CNOT10: variants seen among roughly 807,000 people sequenced by gnomAD.
CNOT10 encodes the protein CCR4-NOT transcription complex subunit 10, also known as CCR4-NOT transcription complex, subunit 10.
In CNOT10, 30 loss-of-function variants were observed where a neutral mutation model predicts 94.6. The ratio of observed to expected loss-of-function variants is 0.32; its 90% confidence interval spans 0.24 to 0.43. The LOEUF (loss-of-function observed/expected upper bound fraction) is 0.43. Ranked by LOEUF, CNOT10 falls within the 20% of genes least tolerant of loss-of-function variation. CNOT10 has a pLI of 1.00. For synonymous variants in CNOT10, 289 were observed against 301.6 expected, an observed-to-expected ratio of 0.96 and a Z score of 0.43; for missense variants, 759 against 877.2, an observed-to-expected ratio of 0.87 and a Z score of 1.70.
At chr3:32,721,147 C>T (rs1698387131) in intron 8 of CNOT10, among the ~76,000 whole-genome samples, 1 of 148,002 alleles carries the variant, frequency 6.8e-6, no homozygotes, top group Non-Finnish European at 1.5e-5. Context: ...ACAGCCTCCA[C>T]CTCCCTCCCG....
chr3:32,771,861 T>C (rs1415709078), intron 18 of CNOT10, among the ~76,000 whole-genome samples: 1 of 152,212 alleles, frequency 6.6e-6, no homozygotes. Context: ...TTATACACCA[T>C]AGTATTTTGA....
At chr3:32,769,551 T>G (rs1700806389) in intron 17 of CNOT10, 1 of 231,504 alleles carries the variant, frequency 4.3e-6, no homozygotes, top group African/African-American at 2.2e-5. Context: ...AATACTGAAG[T>G]GTTACTTAGG....
At position 32,687,454 on chromosome 3, in the gene CNOT10, T is replaced by TTTTTG. The variant is rs1553627013; in HGVS notation, c.22+1976_22+1977insGTTTT. On this transcript the variant is annotated intron_variant, in intron 1 of 18. Transcript: ENST00000328834. Reference sequence around the variant, plus strand: ...AGTCCTCACGGTTTTTTTTTTTTGTTTTTTTTTTTTTTTTTGAGACGGAGT... The same window carrying TTTTTG: ...AGTCCTCACGGTTTTTTTTTTTTGTTTTTTGTTTTTTTTTTTTTTTGAGACGGAGT... 5.8e-3 allele frequency among the ~76,000 whole-genome samples: 266 copies of TTTTTG among 45,920 alleles called. 8 individuals carry two copies. Among genetic ancestry groups the TTTTTG allele is most frequent in the African/African-American group, 0.029 (261 of 8,896 alleles). The allele number at this position is 45,920 out of a possible 152,430, so 30.1% of individuals were successfully genotyped here.
chr3:32,713,077 T>C, intron 4 of CNOT10, 150 bp from the exon 5 acceptor site: 1 of 539,664 alleles, frequency 1.9e-6, no homozygotes, highest in Non-Finnish European at 3.1e-6. Context: ...GCAAGTTGCT[T>C]TCATTCGTGG....
chr3:32,749,008 G>A lies in CNOT10; in HGVS notation c.1596-10450G>A, dbSNP rs150160749. On this transcript the variant is annotated intron_variant, in intron 13 of 18. Coordinates refer to ENST00000328834, the MANE Select transcript of CNOT10 (RefSeq NM_015442.3). ...AGCTAATTTTTGTATTTTTAGTAGAGATGGGGTTTCACCATCTTGGCCAGG... is the reference window on the plus strand; with the variant it reads ...AGCTAATTTTTGTATTTTTAGTAGAAATGGGGTTTCACCATCTTGGCCAGG... Among the ~76,000 whole-genome samples, 817 of 152,144 alleles carry A rather than the reference G, an allele frequency of 5.4e-3. 5 individuals carry two copies. Among genetic ancestry groups the A allele is most frequent in the South Asian group, 0.012 (57 of 4,824 alleles).
intron 1 of CNOT10, among the ~76,000 whole-genome samples, chr3:32,693,039 G>C (rs1178962353): frequency 6.6e-6 from 1 of 152,140 alleles, no homozygotes; most frequent in African/African-American, 2.4e-5. Flanking sequence ...GTGAGACCCT[G>C]TCTCAGAAAC....
rs557882901 is a variant in CNOT10, at chr3:32,716,379, A to G, written c.660+68A>G. 79 of 755,454 alleles carry G rather than the reference A, an allele frequency of 1.0e-4. No individual in the cohort carries two copies. The highest frequency in any genetic ancestry group is 1.6e-4 in the Non-Finnish European group (71 of 450,302). 46.8% of individuals were successfully genotyped at this position (755,454 alleles called of 1,614,324 possible). Reference sequence around the variant, plus strand: ...AATTGTAGTTATGACAAATGAAGCAATGAGATAGATCATTGGAAGCAGTCA... The same window carrying G: ...AATTGTAGTTATGACAAATGAAGCAGTGAGATAGATCATTGGAAGCAGTCA... On this transcript the variant is annotated intron_variant, in intron 6 of 18. Transcript: ENST00000328834.
At chr3:32,721,899 G>A (rs998330830) in intron 8 of CNOT10, among the ~76,000 whole-genome samples, 2 of 151,492 alleles carry the variant, frequency 1.3e-5, no homozygotes, top group African/African-American at 2.4e-5. Flanking sequence ...TGATCCGCCC[G>A]CCTCGGCCTC....
chr3:32,737,008 T>C (rs992490265), intron 12 of CNOT10, among the ~76,000 whole-genome samples: 4 of 152,166 alleles, frequency 2.6e-5, no homozygotes, highest in Non-Finnish European at 5.9e-5. Flanking sequence ...TTTTACACTT[T>C]TGTTGTAAAA....
At chr3:32,741,956 TTTTTATTTTATTTTTTATTTTA>T (rs1185870923) in intron 13 of CNOT10, among the ~76,000 whole-genome samples, 1 of 151,742 alleles carries the variant, frequency 6.6e-6, no homozygotes, top group Admixed American at 6.6e-5. Flanking sequence ...GTGTTGTAGG[TTTTTATTTTATTTTTTATTTTA>T]TTTTATTTTA....
chr3:32,705,033 C>T, intron 3 of CNOT10, 61 bp downstream of exon 3: 1 of 1,046,706 alleles, frequency 9.6e-7, no homozygotes, highest in Non-Finnish European at 1.3e-6. Context: ...TTATGAAACA[C>T]AAATAGTTAA....
At position 32,713,417 on chromosome 3, in the gene CNOT10, C is replaced by A. The variant is rs181866578; in HGVS notation, c.573+48C>A. 64 of 1,427,506 alleles carry A rather than the reference C, an allele frequency of 4.5e-5. No individual in the cohort carries two copies. The African/African-American group carries it at 5.6e-4, about 12-fold the overall frequency. 88.4% of individuals were successfully genotyped at this position (1,427,506 alleles called of 1,614,324 possible). ...ACTAAAATCTAAAATGTGATTAATT[C>A]TCTCTACTTGTTGGTTTACTGGATT... On this transcript the variant is annotated intron_variant, in intron 5 of 18. Transcript: ENST00000328834.
chr3:32,737,635 C>A, intron 13 of CNOT10, 145 bp downstream of exon 13: 1 of 499,850 alleles, frequency 2.0e-6, no homozygotes, highest in Non-Finnish European at 3.6e-6. Flanking sequence ...CCAGCCTGGC[C>A]AAGATAGTGA....
chr3:32,746,642 C>CT (rs1289556180), intron 13 of CNOT10, among the ~76,000 whole-genome samples: 2 of 152,006 alleles, frequency 1.3e-5, no homozygotes. Context: ...TGAGACCATC[C>CT]TGGCTAACAT....
intron 10 of CNOT10, among the ~76,000 whole-genome samples, chr3:32,731,599 C>T (rs1698957268): frequency 6.6e-6 from 1 of 152,136 alleles, no homozygotes; most frequent in Non-Finnish European, 1.5e-5. Flanking sequence ...CCTCAGCTTC[C>T]CTAGTAGCTG....
intron 1 of CNOT10, among the ~76,000 whole-genome samples, chr3:32,688,993 A>G (rs1462842363): frequency 6.6e-6 from 1 of 151,918 alleles, no homozygotes; most frequent in Non-Finnish European, 1.5e-5. Flanking sequence ...TCACGAGGTC[A>G]AGAGATCGAG....
chr3:32,695,411 C>T (rs539752494), intron 1 of CNOT10: 3 of 557,288 alleles, frequency 5.4e-6, no homozygotes, highest in South Asian at 2.8e-5. Flanking sequence ...TTTAACATCC[C>T]TTTTTTCTTT....
At chr3:32,753,078 C>A in intron 13 of CNOT10, 2 of 520,132 alleles carry the variant, frequency 3.8e-6, no homozygotes, top group Admixed American at 2.4e-5. Context: ...TTGTCACATT[C>A]TTGTAATTAC....
intron 13 of CNOT10, among the ~76,000 whole-genome samples, chr3:32,739,488 T>C (rs1699355562): frequency 6.6e-6 from 1 of 152,080 alleles, no homozygotes; most frequent in Non-Finnish European, 1.5e-5. Flanking sequence ...CAAACAGTTA[T>C]GTTTTATTTG....
Sources: allele counts gnomAD v4.1 joint callset (sites outside exome capture counted in the v4.1 genomes callset), GRCh38; gene constraint gnomAD v4.1.1; transcripts MANE v1.5; gene names NCBI Gene and HGNC (gene_info 2026-07-23, HGNC 2026-07-21).